The following MAGI1 variants were observed in gnomAD, a reference collection of about 807,000 sequenced individuals.
The protein encoded by MAGI1 is membrane-associated guanylate kinase, WW and PDZ domain-containing protein 1.
In MAGI1, 58 loss-of-function variants were observed where a neutral mutation model predicts 139.9. The ratio of observed to expected loss-of-function variants is 0.41; its 90% CI spans 0.34 to 0.52. The LOEUF is 0.52. MAGI1 is among the 20% of genes least tolerant of loss of function. MAGI1 has a pLI of 0.12. For synonymous variants in MAGI1, 812 were observed against 737.9 expected (o/e 1.10, Z -1.63); for missense variants, 1,874 against 1,901.6 (o/e 0.99, Z 0.27).
intron 2 of MAGI1, among the ~76,000 whole-genome samples, chr3:65,564,597 T>A (rs78763086): frequency 0.017 from 2,589 of 152,142 alleles, 60 homozygotes; most frequent in African/African-American, 0.054. Context: ...AATAAATAAG[T>A]AAAAATAGTA....
At chr3:65,588,096 G>A (rs922024927) in intron 2 of MAGI1, among the ~76,000 whole-genome samples, 24 of 152,106 alleles carry the variant, frequency 1.6e-4, no homozygotes, top group Non-Finnish European at 3.1e-4. Context: ...CCAAAGACTC[G>A]CTAAAAACCC....
chr3:65,468,227 T>C (rs1950294597), intron 5 of MAGI1, among the ~76,000 whole-genome samples: 1 of 152,192 alleles, frequency 6.6e-6, no homozygotes. Flanking sequence ...GCTTCTTTTA[T>C]CCTTATCTTT....
intron 1 of MAGI1, among the ~76,000 whole-genome samples, chr3:65,976,486 C>G (rs2065272074): frequency 6.6e-6 from 1 of 152,102 alleles, no homozygotes; most frequent in South Asian, 2.1e-4. Flanking sequence ...AAAAAATTAG[C>G]CAGGTGTGGT....
chr3:65,689,376 G>A (rs979415899), intron 1 of MAGI1, among the ~76,000 whole-genome samples: 2 of 152,138 alleles, frequency 1.3e-5, no homozygotes, highest in Non-Finnish European at 2.9e-5. Context: ...CCCACCAGCA[G>A]CTCAAATACA....
intron 2 of MAGI1, among the ~76,000 whole-genome samples, chr3:65,543,913 C>T (rs2107923658): frequency 6.6e-6 from 1 of 152,016 alleles, no homozygotes; most frequent in East Asian, 1.9e-4. Flanking sequence ...AATAATAAAA[C>T]ACAGGAAGAT....
chr3:65,793,778 A>C (rs1577141149), intron 1 of MAGI1, among the ~76,000 whole-genome samples: 1 of 152,220 alleles, frequency 6.6e-6, no homozygotes, highest in East Asian at 1.9e-4. Flanking sequence ...CCAACTCTGA[A>C]GGAGAATCCA....
chr3:65,914,147 C>G (rs1471495087), intron 1 of MAGI1: 1 of 152,152 alleles, frequency 6.6e-6, no homozygotes, highest in Admixed American at 6.6e-5. Context: ...CAAACATCAG[C>G]CTTCAAGAGA....
In MAGI1 at chr3:65,530,672, T is replaced by C. The variant is rs556096142; in HGVS notation, c.431-37041A>G. Among the ~76,000 whole-genome samples, 734 of 141,296 alleles carry C rather than the reference T, an allele frequency of 5.2e-3. 28 individuals are homozygous for C. Among genetic ancestry groups the C allele is most frequent in the African/African-American group, 0.017 (648 of 37,486 alleles). The allele number at this position is 141,296 out of a possible 152,430, so 92.7% of individuals were successfully genotyped here. A position where few individuals can be genotyped will look rare whatever the true frequency, so the allele number is the denominator to read the frequency against. On this transcript the variant is annotated intron_variant, in intron 2 of 22. Coordinates refer to ENST00000402939, the MANE Select transcript of MAGI1 (RefSeq NM_001033057.2). ...GTGTGTGTGTGTGTGTATATATATA[T>C]ACATATATATATACGTGTATATATA... is the stretch of plus-strand genomic sequence containing the variant.
intron 2 of MAGI1, among the ~76,000 whole-genome samples, chr3:65,510,846 T>C (rs1307125163): frequency 6.8e-6 from 1 of 146,904 alleles, no homozygotes; most frequent in Non-Finnish European, 1.5e-5. Context: ...CCAAGACACA[T>C]AATTGTCAGA....
chr3:65,673,359 T>C (rs769710219), intron 1 of MAGI1, among the ~76,000 whole-genome samples: 2 of 152,250 alleles, frequency 1.3e-5, no homozygotes, highest in African/African-American at 2.4e-5. Flanking sequence ...TTGTGCTGTA[T>C]ACCAGAGTAA....
At chr3:65,727,821 A>G (rs1392259310) in intron 1 of MAGI1, among the ~76,000 whole-genome samples, 2 of 152,192 alleles carry the variant, frequency 1.3e-5, no homozygotes, top group African/African-American at 4.8e-5. Flanking sequence ...TTCTATTTTC[A>G]CAGAGGCAGA....
At chr3:65,671,760 T>G (rs1200861520) in intron 1 of MAGI1, among the ~76,000 whole-genome samples, 2 of 152,164 alleles carry the variant, frequency 1.3e-5, no homozygotes, top group Non-Finnish European at 2.9e-5. Context: ...AACCTTTCCA[T>G]GGCTAACAAT....
chr3:65,684,167 CAA>C (rs1163089641), intron 1 of MAGI1, among the ~76,000 whole-genome samples: 2,136 of 79,386 alleles, frequency 0.027, 39 homozygotes, highest in African/African-American at 0.095. Flanking sequence ...GAGACTGTCT[CAA>C]AAAAAAAAAA....
At chr3:65,778,954 A>AG (rs1356770653) in intron 1 of MAGI1, among the ~76,000 whole-genome samples, 1 of 152,204 alleles carries the variant, frequency 6.6e-6, no homozygotes, top group Non-Finnish European at 1.5e-5. Context: ...AGTGTCATCT[A>AG]GGGGTCGAGA....
chr3:65,622,064 C>A lies in MAGI1; in HGVS notation c.338G>T (p.Arg113Leu), dbSNP rs775050181. The A allele has an allele frequency of 2.0e-5, 33 of 1,613,726 alleles. No homozygotes were observed. Among genetic ancestry groups the A allele is most frequent in the Non-Finnish European group, 2.8e-5 (33 of 1,179,844 alleles). The change falls in exon 2 of 23, where the codon CGA becomes CTA. Residue 113 changes from arginine to leucine, a missense_variant. This residue lies in a region of MAGI1 where 648 missense variants were observed against 598.1 expected (regional missense o/e 1.08). Coordinates refer to ENST00000402939, the MANE Select transcript of MAGI1 (RefSeq NM_001033057.2). ...CTGGAATCGCTGATTGAGAAAATGTCGCAGGTCCTTGTTCAGCCTTCCTCC... is the reference window on the plus strand; with the variant it reads ...CTGGAATCGCTGATTGAGAAAATGTAGCAGGTCCTTGTTCAGCCTTCCTCC... ...RQGGRLNKDL[R>L]HFLNQRFQKG...
intron 1 of MAGI1, among the ~76,000 whole-genome samples, chr3:65,696,178 C>T (rs1353550643): frequency 6.6e-6 from 1 of 152,132 alleles, no homozygotes; most frequent in Non-Finnish European, 1.5e-5. Flanking sequence ...AAACATCCCC[C>T]TTCCCTAACT....
chr3:65,740,264 T>C (rs2035147131), intron 1 of MAGI1, among the ~76,000 whole-genome samples: 2 of 152,214 alleles, frequency 1.3e-5, no homozygotes, highest in South Asian at 4.1e-4. Flanking sequence ...ATGCTAATAA[T>C]ATTTTCTGGG....
intron 1 of MAGI1, among the ~76,000 whole-genome samples, chr3:65,936,948 A>ATGGTGATGGTGGTGGTGG (rs1458252162): frequency 8.1e-5 from 12 of 147,592 alleles, no homozygotes; most frequent in Admixed American, 4.7e-4. Flanking sequence ...GGTGGTGGTG[A>ATGGTGATGGTGGTGGTGG]TGGTGATGGT....
At chr3:65,375,238 G>C (rs1174169364) in intron 18 of MAGI1, among the ~76,000 whole-genome samples, 1 of 150,822 alleles carries the variant, frequency 6.6e-6, no homozygotes, top group Non-Finnish European at 1.5e-5. Context: ...GCCCAGGCTG[G>C]AGTGCAGTGG....
Sources: allele counts gnomAD v4.1 joint callset (sites outside exome capture counted in the v4.1 genomes callset), GRCh38; gene constraint gnomAD v4.1.1; regional missense constraint gnomAD v4.1.1; transcripts MANE v1.5; gene names NCBI Gene and HGNC (gene_info 2026-07-23, HGNC 2026-07-21).